The following TAPBP variants were observed in gnomAD, a reference collection of about 807,000 sequenced individuals.
The protein encoded by TAPBP is tapasin.
A neutral mutation model predicts 45.7 loss-of-function variants in TAPBP; 38 were observed. That is an observed-to-expected ratio of 0.83 (90% CI 0.64 to 1.09). TAPBP has a LOEUF of 1.09. TAPBP is among the 50% of genes least tolerant of loss of function. The pLI is 0.00. For missense variants in TAPBP, 513 were observed against 587.3 expected (o/e 0.87, Z 1.31); for synonymous variants, 226 against 254.8 (o/e 0.89, Z 1.08).
chr6:33,300,981 AAAG>A lies in TAPBP; in HGVS notation c.*776_*778del, dbSNP rs1217265349. 6.6e-6 allele frequency: 1 copy of A among 152,090 alleles called. No individual in the cohort carries two copies. Among genetic ancestry groups the A allele is most frequent in the East Asian group, 1.9e-4 (1 of 5,186 alleles). 9.4% of individuals were successfully genotyped at this position (152,090 alleles called of 1,614,324 possible). On this transcript the variant is annotated 3_prime_UTR_variant, in exon 8 of 8. Coordinates refer to ENST00000434618, the MANE Select transcript of TAPBP (RefSeq NM_003190.5). ...ACTCCGTCTCAAAAAAAAAAAAAAA[AAAG>A]TTTTTTGCCTTCTTCATTCTATAAG...
Position 33,314,050 on chromosome 6 carries a change from G to C in TAPBP, c.-9C>G, listed in dbSNP as rs1171131413. 1.2e-6 allele frequency: 2 copies of C among 1,613,688 alleles called. No homozygotes were observed. The highest frequency in any genetic ancestry group is 1.7e-6 in the Non-Finnish European group (2 of 1,179,972). On this transcript the variant is annotated 5_prime_UTR_variant, in exon 1 of 8. Transcript: ENST00000434618. ...AGAGACAGGGACTTCATGGCGCTGC[G>C]ACCTCCTCAGCCATGAAGCCTCCTC...
chr6:33,304,078 G>A (rs769532741), intron 6 of TAPBP, 50 bp downstream of exon 6: 67 of 1,610,566 alleles, frequency 4.2e-5, no homozygotes, highest in Middle Eastern at 1.6e-4. Flanking sequence ...GGAGTAGGTG[G>A]GGAAAGTCCA....
In TAPBP at chr6:33,304,272, ATTCCGCAGAGC is replaced by A; in HGVS notation, c.1210+14_1210+24del. 6.2e-7 allele frequency: 1 copy of A among 1,605,304 alleles called. No individual in the cohort carries two copies. Among genetic ancestry groups the A allele is most frequent in the Non-Finnish European group, 8.5e-7 (1 of 1,174,816 alleles). ...CCTGTCTTCCTGGGTGCTGGCTCAG[ATTCCGCAGAGC>A]TCCCAGCTCTTACCTGCTACCTCCA... On this transcript the variant is annotated intron_variant, in intron 5 of 7. Coordinates refer to ENST00000434618, the MANE Select transcript of TAPBP (RefSeq NM_003190.5).
rs139666009 is a variant in TAPBP at position 33,304,404 on chromosome 6, G to A, written c.1103C>T (p.Pro368Leu). Reference protein sequence around the residue: ...GSVSLSGHLQPPPVTTEQHGA... With the variant: ...GSVSLSGHLQLPPVTTEQHGA... ...ATGCTGCTCAGTGGTGACTGGGGGC[G>A]GCTGCAAGTGCCCAGAGAGGCTGAC... Residue 368 changes from proline to leucine, a missense_variant, in exon 5 of 8, where the codon CCG (proline) becomes CTG (leucine). Transcript: ENST00000434618. 104 of 1,612,654 alleles carry A rather than the reference G, an allele frequency of 6.4e-5. No individual in the cohort carries two copies. The highest frequency in any genetic ancestry group is 6.4e-4 in the African/African-American group (48 of 75,010).
At chr6:33,304,910 C>T in intron 4 of TAPBP, 79 bp downstream of exon 4, 1 of 1,559,252 alleles carries the variant, frequency 6.4e-7, no homozygotes, top group Non-Finnish European at 8.7e-7. Flanking sequence ...CCCTCTTATC[C>T]ATCATCCCTC....
Position 33,313,410 on chromosome 6 carries a change from C to T in TAPBP, c.276G>A (p.Glu92=). 1 of 1,609,770 alleles carries T rather than the reference C, an allele frequency of 6.2e-7. No individual in the cohort carries two copies. The highest frequency in any genetic ancestry group is 8.5e-7 in the Non-Finnish European group (1 of 1,177,640). ...CGGGGAGAGGCACGAAGCGGCTCAT[C>T]TCGCAGTGTGGTGCGGGGGCGCCCC... ...YPRGAPAPHC[E]MSRFVPLPAS... is the part of the protein sequence containing the mutation. The change falls in exon 3 of 8, where the codon GAG becomes GAA. Residue 92 remains glutamate (E), a synonymous_variant. Coordinates refer to ENST00000434618, the MANE Select transcript of TAPBP (RefSeq NM_003190.5). This position sits in a 1 kb window ranked among gnomAD's most constrained non-coding sequence, Gnocchi z 7.2.
At chr6:33,303,618 A>C (rs574143346) in intron 7 of TAPBP, 1 of 921,734 alleles carries the variant, frequency 1.1e-6, no homozygotes, top group African/African-American at 1.7e-5. Context: ...AGATTAAATA[A>C]GGTATATTAT....
intron 3 of TAPBP, among the ~76,000 whole-genome samples, chr6:33,311,395 G>A (rs951777274): frequency 5.3e-5 from 8 of 152,028 alleles, no homozygotes; most frequent in African/African-American, 1.9e-4. Flanking sequence ...TTCGGGAGGC[G>A]AGGTGGGAGG....
rs148137345 is a variant in TAPBP, at chr6:33,304,144, C to T, written c.1284G>A (p.Lys428=). 1.0e-4 allele frequency: 162 copies of T among 1,613,276 alleles called. 1 individual carries two copies. The African/African-American group carries it at 2.0e-3, about 20-fold the overall frequency. ...LSAFLLLGLF[K]ALGWAAVYLS... ...GACACTTACCAGCCCAGCCCAGTGC[C>T]TTGAAGAGCCCAAGCAGAAGAAAGG... The change falls in exon 6 of 8, where the codon AAG becomes AAA. Residue 428 remains lysine (K), a synonymous_variant. Transcript: ENST00000434618.
Position 33,313,259 on chromosome 6 carries a change from G to A in TAPBP, c.427C>T (p.Pro143Ser). The change falls in exon 3 of 8, where the codon CCA (proline) becomes TCA (serine). Residue 143 changes from proline (P) to serine (S), a missense_variant. Physicochemically the swap from Pro to Ser is moderately conservative, Grantham distance 74. Coordinates refer to ENST00000434618, the MANE Select transcript of TAPBP (RefSeq NM_003190.5). The surrounding 1 kb of genome is among the most constrained non-coding windows in gnomAD (Gnocchi z 7.2). ...AGAACAGGCTCCTGCTGAGGCTCTG[G>A]CTGTGGTCGCAAGAGGCTGGAGAGG... ...LSLSSLLRPQ[P>S]EPQQEPVLIT... 1 of 1,614,022 alleles carries A rather than the reference G, an allele frequency of 6.2e-7. No homozygotes were observed. Among genetic ancestry groups the A allele is most frequent in the Non-Finnish European group, 8.5e-7 (1 of 1,179,970 alleles).
Position 33,313,845 on chromosome 6 carries a change from T to G in TAPBP, c.57A>C (p.Ser19=), listed in dbSNP as rs778294391. Residue 19 remains serine (S), a synonymous_variant, in exon 2 of 8, where the codon TCA becomes TCC. Coordinates refer to ENST00000434618, the MANE Select transcript of TAPBP (RefSeq NM_003190.5). The surrounding 1 kb of genome is among the most constrained non-coding windows in gnomAD (Gnocchi z 7.2). ...AVALGLATAV[S]AGPAVIECWF... ...AACACTCGATCACCGCGGGTCCTGC[T>G]GAGACGGCGGTCGCCAGGCCTGGCG... The G allele has an allele frequency of 2.0e-5, 32 of 1,613,640 alleles. No individual in the cohort carries two copies. The highest frequency in any genetic ancestry group is 6.7e-5 in the Admixed American group (4 of 59,998).
chr6:33,313,598 G>C lies in TAPBP; in HGVS notation c.208+96C>G. 1 of 1,538,630 alleles carries C rather than the reference G, an allele frequency of 6.5e-7. No individual in the cohort carries two copies. The highest frequency in any genetic ancestry group is 8.8e-7 in the Non-Finnish European group (1 of 1,139,884). ...CGTAGTGAGACTCACTTTACAAAGG[G>C]GAAGCTGAGGCCTGAGGTCACTGCC... On this transcript the variant is annotated intron_variant, in intron 2 of 7. Transcript: ENST00000434618. The surrounding 1 kb of genome is among the most constrained non-coding windows in gnomAD (Gnocchi z 7.2).
rs2239840 is a variant in TAPBP at position 33,314,066 on chromosome 6, A to T, written c.-25T>A. 0.29 allele frequency: 466,189 copies of T among 1,611,634 alleles called. 70,935 individuals carry two copies. The highest frequency in any genetic ancestry group is 0.34 in the Admixed American group (20,526 of 59,908). ...TGGCGCTGCGACCTCCTCAGCCATG[A>T]AGCCTCCTCTTCCTCCTTTCACTTT... On this transcript the variant is annotated 5_prime_UTR_variant, in exon 1 of 8. Transcript: ENST00000434618.
Position 33,313,573 on chromosome 6 carries a change from C to A in TAPBP, c.209-96G>T. On this transcript the variant is annotated intron_variant, in intron 2 of 7. Transcript: ENST00000434618. The surrounding 1 kb of genome is among the most constrained non-coding windows in gnomAD (Gnocchi z 7.2). ...GGAACTTCAAATGCACAGACTACCC[C>A]GTAGTGAGACTCACTTTACAAAGGG... is the stretch of plus-strand genomic sequence containing the variant. 1.3e-6 allele frequency: 2 copies of A among 1,520,908 alleles called. No individual in the cohort carries two copies. The highest frequency in any genetic ancestry group is 8.8e-7 in the Non-Finnish European group (1 of 1,131,540). 94.2% of individuals were successfully genotyped at this position (1,520,908 alleles called of 1,614,324 possible).
At position 33,311,248 on chromosome 6, in the gene TAPBP, G is replaced by A. The variant is rs924621988; in HGVS notation, c.469+1969C>T. The stretch of plus-strand genomic sequence containing the variant: ...CAAGAATTGCTTGAACATGGGAGAC[G>A]GAGGTTGCAGTGAGCCAAGATCATG... On this transcript the variant is annotated intron_variant, in intron 3 of 7. Coordinates refer to ENST00000434618, the MANE Select transcript of TAPBP (RefSeq NM_003190.5). 8.5e-5 allele frequency among the ~76,000 whole-genome samples: 13 copies of A among 152,288 alleles called. 1 individual carries two copies. The highest frequency in any genetic ancestry group is 6.2e-4 in the South Asian group (3 of 4,828).
rs758758961 is a variant in TAPBP, at chr6:33,304,139, A to C, written c.1289T>G (p.Leu430Arg). Residue 430 changes from leucine (L) to arginine (R), a missense_variant, in exon 6 of 8, where the codon CTG becomes CGG. By Grantham distance (102) the Leu-to-Arg change is moderately radical (BLOSUM62 -2). Transcript: ENST00000434618. ...AFLLLGLFKA[L>R]GWAAVYLSTC... ...GGGCTGACACTTACCAGCCCAGCCCAGTGCCTTGAAGAGCCCAAGCAGAAG... is the reference window on the plus strand; with the variant it reads ...GGGCTGACACTTACCAGCCCAGCCCCGTGCCTTGAAGAGCCCAAGCAGAAG... The C allele has an allele frequency of 6.2e-7, 1 of 1,613,488 alleles. No individual in the cohort carries two copies. The highest frequency in any genetic ancestry group is 8.5e-7 in the Non-Finnish European group (1 of 1,179,874).
At chr6:33,306,978 C>A (rs905080144) in intron 3 of TAPBP, among the ~76,000 whole-genome samples, 331 of 126,062 alleles carry the variant, frequency 2.6e-3, no homozygotes, top group African/African-American at 3.1e-3. Flanking sequence ...AACCCCGTTT[C>A]AAAAAAAAAA....
chr6:33,312,030 C>T (rs1769384640), intron 3 of TAPBP, among the ~76,000 whole-genome samples: 1 of 152,208 alleles, frequency 6.6e-6, no homozygotes, highest in Non-Finnish European at 1.5e-5. Context: ...TAACACAGTG[C>T]CATCTCTTGA....
rs965232558 is a variant in TAPBP at position 33,305,198 on chromosome 6, G to A, written c.659C>T (p.Ala220Val). The change falls in exon 4 of 8, where the codon GCA (alanine) becomes GTA (valine). Residue 220 changes from alanine (A) to valine (V), a missense_variant. Coordinates refer to ENST00000434618, the MANE Select transcript of TAPBP (RefSeq NM_003190.5). This position sits in a 1 kb window ranked among gnomAD's most constrained non-coding sequence, Gnocchi z 4.4. Reference protein sequence around the residue: ...HLGKGHLLLAATPGLNGQMPA... With the variant: ...HLGKGHLLLAVTPGLNGQMPA... ...CATCTGGCCATTCAGCCCAGGAGTTGCAGCCAGGAGCAGATGTCCCTTACC... is the reference window on the plus strand; with the variant it reads ...CATCTGGCCATTCAGCCCAGGAGTTACAGCCAGGAGCAGATGTCCCTTACC... The A allele has an allele frequency of 2.5e-6, 4 of 1,614,072 alleles. No homozygotes were observed. In the African/African-American group the frequency reaches 5.3e-5, roughly 22 times the overall value.
Sources: gnomAD v4.1 joint callset for allele counts (sites outside exome capture counted in the v4.1 genomes callset) on GRCh38, gnomAD v4.1.1 for gene constraint, Gnocchi (gnomAD v3.1) non-coding constraint, MANE v1.5 for transcripts, NCBI Gene and HGNC (gene_info 2026-07-23, HGNC 2026-07-21) for gene names.